The following ATP6V0E1 variants were observed in gnomAD, a reference collection of about 807,000 sequenced individuals.
ATP6V0E1 encodes the protein V-type proton ATPase subunit e 1.
Under a neutral mutation model 11.6 loss-of-function variants are expected in ATP6V0E1, and 4 were observed. The observed-to-expected ratio is 0.35, with a 90% CI of 0.17 to 0.79. The LOEUF (loss-of-function observed/expected upper bound fraction) is 0.79, where lower values mean the gene tolerates loss of function less well. ATP6V0E1 is among the 30% of genes least tolerant of loss of function. ATP6V0E1 has a pLI of 0.54. For synonymous variants in ATP6V0E1, 36 were observed against 34.8 expected (o/e 1.04, Z -0.13); for missense variants, 105 against 100.0 (o/e 1.05, Z -0.21).
chr5:172,988,433 TC>T (rs968980286), intron 1 of ATP6V0E1, among the ~76,000 whole-genome samples: 1 of 152,224 alleles, frequency 6.6e-6, no homozygotes, highest in Non-Finnish European at 1.5e-5. Flanking sequence ...TTTTCCATGT[TC>T]CCATTTCCTC....
chr5:172,994,935 A>T (rs757561313), intron 2 of ATP6V0E1, 113 bp downstream of exon 2: 10 of 801,788 alleles, frequency 1.2e-5, no homozygotes, highest in Non-Finnish European at 1.8e-5. Context: ...GTGTCCTAAA[A>T]TTGAAAATAT....
intron 2 of ATP6V0E1, among the ~76,000 whole-genome samples, chr5:173,016,499 A>G (rs972094053): frequency 6.6e-6 from 1 of 152,230 alleles, no homozygotes; most frequent in Admixed American, 6.5e-5. Flanking sequence ...CCACTCCGCT[A>G]CAACATCCTA....
At chr5:173,011,917 G>A (rs1411440753) in intron 2 of ATP6V0E1, among the ~76,000 whole-genome samples, 1 of 151,992 alleles carries the variant, frequency 6.6e-6, no homozygotes, top group African/African-American at 2.4e-5. Flanking sequence ...GTGTTTGTCA[G>A]CTTTAAAGGG....
chr5:173,001,470 G>A (rs138762785), intron 2 of ATP6V0E1, among the ~76,000 whole-genome samples: 13 of 152,118 alleles, frequency 8.5e-5, no homozygotes, highest in African/African-American at 2.2e-4. Context: ...CACATGTCTC[G>A]GAATTTGCAA....
intron 2 of ATP6V0E1, among the ~76,000 whole-genome samples, chr5:173,003,229 A>G (rs1367445671): frequency 6.6e-6 from 1 of 152,010 alleles, no homozygotes; most frequent in Non-Finnish European, 1.5e-5. Flanking sequence ...CTGAATAGGT[A>G]TTTGTGGCAA....
At chr5:173,033,668 C>A (rs575431151) in intron 3 of ATP6V0E1, among the ~76,000 whole-genome samples, 1 of 151,978 alleles carries the variant, frequency 6.6e-6, no homozygotes, top group Admixed American at 6.6e-5. Context: ...CATGGTGAAA[C>A]CCTGTCTCTA....
rs202011809 is a variant in ATP6V0E1 at position 173,026,001 on chromosome 5, T to TA, written c.*36+5635dup. 5.7e-3 allele frequency among the ~76,000 whole-genome samples: 855 copies of TA among 150,330 alleles called. 10 individuals are homozygous for TA. The highest frequency in any genetic ancestry group is 0.019 in the African/African-American group (794 of 40,780). On this transcript the variant is annotated intron_variant, in intron 3 of 3. Coordinates refer to ENST00000519374, the MANE Select transcript of ATP6V0E1 (RefSeq NM_003945.4). ...ATCAAGACCTCATCTCAAATAATAA[T>TA]ATTTTTTTTTTTTTCGAGACAGGGT...
chr5:172,999,978 A>C (rs1175381066), intron 2 of ATP6V0E1, among the ~76,000 whole-genome samples: 1 of 152,216 alleles, frequency 6.6e-6, no homozygotes, highest in Non-Finnish European at 1.5e-5. Context: ...TCCACAAAAG[A>C]GTGAGATTCT....
In ATP6V0E1 at chr5:172,994,812, T is replaced by C; in HGVS notation, c.142T>C (p.Cys48Arg). Residue 48 changes from cysteine (C) to arginine (R), a missense_variant, in exon 2 of 4, where the codon TGC (cysteine) becomes CGC (arginine). Transcript: ENST00000519374. The stretch of plus-strand genomic sequence containing the variant: ...CATGTTGGTGACCTGTTCAGTTTGC[T>C]GCTATCTCTTGTAAGTAATTTTTTC... ...ITMLVTCSVC[C>R]YLFWLIAILA... 1 of 1,603,496 alleles carries C rather than the reference T, an allele frequency of 6.2e-7. No individual in the cohort carries two copies. The highest frequency in any genetic ancestry group is 8.5e-7 in the Non-Finnish European group (1 of 1,176,130).
At chr5:173,019,281 C>T (rs1208457791) in intron 2 of ATP6V0E1, among the ~76,000 whole-genome samples, 6 of 152,012 alleles carry the variant, frequency 3.9e-5, no homozygotes, top group African/African-American at 1.2e-4. Flanking sequence ...GTCGGCTGGG[C>T]GAGGTGGCTC....
At chr5:173,006,999 C>T (rs1756240042) in intron 2 of ATP6V0E1, among the ~76,000 whole-genome samples, 1 of 151,810 alleles carries the variant, frequency 6.6e-6, no homozygotes, top group South Asian at 2.1e-4. Flanking sequence ...AGACTTTGAG[C>T]TGGAAGGTCT....
intron 2 of ATP6V0E1, among the ~76,000 whole-genome samples, chr5:173,009,955 G>C (rs1178337387): frequency 6.6e-6 from 1 of 150,890 alleles, no homozygotes; most frequent in Non-Finnish European, 1.5e-5. Context: ...GTAGAGACGG[G>C]GTTTCACCAT....
chr5:172,991,252 A>C (rs1487925926), intron 1 of ATP6V0E1, among the ~76,000 whole-genome samples: 1 of 152,152 alleles, frequency 6.6e-6, no homozygotes, highest in Non-Finnish European at 1.5e-5. Flanking sequence ...TGTATATATA[A>C]TTTTGCTGGA....
At chr5:172,983,985 T>G in intron 1 of ATP6V0E1, 21 bp downstream of exon 1, 1 of 1,608,328 alleles carries the variant, frequency 6.2e-7, no homozygotes, top group Admixed American at 1.7e-5. Context: ...GAGGCCCGCC[T>G]TGGGAGGAAC....
At chr5:173,001,281 G>A (rs1222023540) in intron 2 of ATP6V0E1, among the ~76,000 whole-genome samples, 1 of 152,108 alleles carries the variant, frequency 6.6e-6, no homozygotes, top group Non-Finnish European at 1.5e-5. Flanking sequence ...TCAAGAGCCA[G>A]AGAGGCCCGA....
chr5:172,996,574 A>AAAAACATAC (rs1292001050), intron 2 of ATP6V0E1, among the ~76,000 whole-genome samples: 1 of 151,804 alleles, frequency 6.6e-6, no homozygotes, highest in African/African-American at 2.4e-5. Flanking sequence ...AAAAAAAAAA[A>AAAAACATAC]ATACATACAT....
At chr5:172,984,517 A>T (rs1331474284) in intron 1 of ATP6V0E1, among the ~76,000 whole-genome samples, 2 of 152,210 alleles carry the variant, frequency 1.3e-5, no homozygotes, top group African/African-American at 4.8e-5. Flanking sequence ...ACCAAAGAGC[A>T]GGAGGTATTG....
At chr5:172,988,617 C>A (rs1441631022) in intron 1 of ATP6V0E1, among the ~76,000 whole-genome samples, 1 of 152,168 alleles carries the variant, frequency 6.6e-6, no homozygotes, top group East Asian at 1.9e-4. Context: ...ACTAGTTCCC[C>A]TTTACCTCTT....
Position 173,000,836 on chromosome 5 carries a change from G to C in ATP6V0E1, c.152+6014G>C, listed in dbSNP as rs184200359. On this transcript the variant is annotated intron_variant, in intron 2 of 3. Coordinates refer to ENST00000519374, the MANE Select transcript of ATP6V0E1 (RefSeq NM_003945.4). Reference sequence around the variant, plus strand: ...CTACCTCAGCCTCCTGAGTAGGTGGGACTACAGATGTGCGCCACCATGCCT... The same window carrying C: ...CTACCTCAGCCTCCTGAGTAGGTGGCACTACAGATGTGCGCCACCATGCCT... Among the ~76,000 whole-genome samples the C allele has an allele frequency of 2.6e-3, 400 of 152,138 alleles. 1 individual carries two copies. Among genetic ancestry groups the C allele is most frequent in the Admixed American group, 4.3e-3 (65 of 15,276 alleles).
Sources: allele counts gnomAD v4.1 joint callset (sites outside exome capture counted in the v4.1 genomes callset), GRCh38; gene constraint gnomAD v4.1.1; transcripts MANE v1.5; gene names NCBI Gene and HGNC (gene_info 2026-07-23, HGNC 2026-07-21).